Variants in NECTIN4 observed in about 807,000 individuals in gnomAD.
NECTIN4 encodes nectin cell adhesion molecule 4, also known as nectin-4.
A neutral mutation model predicts 51.7 loss-of-function variants in NECTIN4; 19 were observed. The ratio of observed to expected loss-of-function variants is 0.37; its 90% CI spans 0.26 to 0.54. The LOEUF (loss-of-function observed/expected upper bound fraction) is 0.54. NECTIN4 is among the 20% of genes least tolerant of loss of function. The pLI, the probability that NECTIN4 is intolerant of heterozygous loss-of-function variation, is 0.86. For synonymous variants in NECTIN4, 283 were observed against 286.9 expected (o/e 0.99, Z 0.14); for missense variants, 619 against 662.4 (o/e 0.93, Z 0.72).
In NECTIN4 at chr1:161,089,514, A is replaced by G. The variant is rs1477934885; in HGVS notation, c.-218T>C. On this transcript the variant is annotated 5_prime_UTR_variant, in exon 1 of 9. Transcript: ENST00000368012. The surrounding 1 kb of genome is among the most constrained non-coding windows in gnomAD (Gnocchi z 4.1). ...CAAGAAGCCGTGATCGGGAGCTCCGAGCTCCCCCAGAGCTGCTTCCCACGC... is the reference window on the plus strand; with the variant it reads ...CAAGAAGCCGTGATCGGGAGCTCCGGGCTCCCCCAGAGCTGCTTCCCACGC... The G allele has an allele frequency of 1.7e-6, 1 of 590,206 alleles. No homozygotes were observed. Among genetic ancestry groups the G allele is most frequent in the Non-Finnish European group, 3.0e-6 (1 of 329,268 alleles). The allele number at this position is 590,206 out of a possible 1,614,324, so 36.6% of individuals were successfully genotyped here. A position where few individuals can be genotyped will look rare whatever the true frequency, so the allele number is the denominator to read the frequency against.
chr1:161,073,762 G>A lies in NECTIN4; in HGVS notation c.1191C>T (p.Ser397=), dbSNP rs1447850695. Residue 397 remains serine (S), a synonymous_variant, in exon 7 of 9, where the codon TCC becomes TCT. Coordinates refer to ENST00000368012, the MANE Select transcript of NECTIN4 (RefSeq NM_030916.3). The stretch of plus-strand genomic sequence containing the variant: ...TGTGATGGGAATGCAGCCTCCGGAT[G>A]GAGTTCTCCCTGGTCAGGGTCAGCT... ...EEELTLTREN[S]IRRLHSHHTD... 3 of 1,614,206 alleles carry A rather than the reference G, an allele frequency of 1.9e-6. No individual in the cohort carries two copies. Among genetic ancestry groups the A allele is most frequent in the Middle Eastern group, 1.6e-4 (1 of 6,062 alleles).
intron 7 of NECTIN4, 43 bp from the exon 8 acceptor site, chr1:161,073,342 T>A: frequency 6.4e-7 from 1 of 1,551,482 alleles, no homozygotes; most frequent in Admixed American, 1.7e-5. Context: ...GGGCTCAGCC[T>A]CCTCCCCTCA....
chr1:161,089,206 G>T lies in NECTIN4; in HGVS notation c.79+12C>A. On this transcript the variant is annotated intron_variant, in intron 1 of 8. Coordinates refer to ENST00000368012, the MANE Select transcript of NECTIN4 (RefSeq NM_030916.3). This position sits in a 1 kb window ranked among gnomAD's most constrained non-coding sequence, Gnocchi z 4.1. ...CAGAAGCAAGTGTCCTGATGGTTCA[G>T]GCAAGTCCTACCTGTAAATGATGCC... 1.2e-6 allele frequency: 2 copies of T among 1,613,124 alleles called. No individual in the cohort carries two copies. The highest frequency in any genetic ancestry group is 8.5e-7 in the Non-Finnish European group (1 of 1,179,886).
intron 1 of NECTIN4, chr1:161,087,587 T>A (rs2101682603): frequency 6.6e-6 from 1 of 151,580 alleles, no homozygotes; most frequent in Non-Finnish European, 1.5e-5. Context: ...TAACCCTGGT[T>A]ATGCTTCTAA....
In NECTIN4 at chr1:161,077,588, A is replaced by G. The variant is rs1653475448; in HGVS notation, c.595T>C (p.Ser199Pro). ...TCTGAGGTGACGGCAGCAGAGCGGGAGTGCTTGAAGGAACGGCTGGACGTT... is the reference window on the plus strand; with the variant it reads ...TCTGAGGTGACGGCAGCAGAGCGGGGGTGCTTGAAGGAACGGCTGGACGTT... Reference protein sequence around the residue: ...GTTSSRSFKHSRSAAVTSEFH... With the variant: ...GTTSSRSFKHPRSAAVTSEFH... Residue 199 changes from serine to proline, a missense_variant, in exon 3 of 9, where the codon TCC becomes CCC. Physicochemically the swap from Ser to Pro is moderately conservative, Grantham distance 74. Around this residue, in one of 3 missense-constraint regions of NECTIN4, gnomAD observed 364 missense variants for 415.7 expected, o/e 0.88. Transcript: ENST00000368012. 2.5e-6 allele frequency: 4 copies of G among 1,613,898 alleles called. No homozygotes were observed. Among genetic ancestry groups the G allele is most frequent in the Non-Finnish European group, 2.5e-6 (3 of 1,180,020 alleles).
At chr1:161,075,829 G>A (rs575732210) in intron 4 of NECTIN4, among the ~76,000 whole-genome samples, 1 of 152,138 alleles carries the variant, frequency 6.6e-6, no homozygotes, top group East Asian at 1.9e-4. Context: ...TGTAATCACA[G>A]TACTTTGGAA....
In NECTIN4 at chr1:161,089,242, G is replaced by T; in HGVS notation, c.55C>A (p.Leu19Met). The change falls in exon 1 of 9, where the codon CTG becomes ATG. Residue 19 changes from leucine to methionine, a missense_variant. Coordinates refer to ENST00000368012, the MANE Select transcript of NECTIN4 (RefSeq NM_030916.3). This position sits in a 1 kb window ranked among gnomAD's most constrained non-coding sequence, Gnocchi z 4.1. The part of the protein sequence containing the change: ...MWGPEAWLLL[L>M]LLLASFTGRC... ...CCTGTAAATGATGCCAGCAGTAGCA[G>T]CAGCAGCAGCCAGGCCTCAGGCCCC... 6.2e-7 allele frequency: 1 copy of T among 1,612,682 alleles called. No homozygotes were observed. Among genetic ancestry groups the T allele is most frequent in the African/African-American group, 1.3e-5 (1 of 75,018 alleles).
rs1264667496 is a variant in NECTIN4, at chr1:161,073,227, T to C, written c.1306A>G (p.Met436Val). 5.6e-6 allele frequency: 9 copies of C among 1,613,760 alleles called. No homozygotes were observed. In the Admixed American group the frequency reaches 1.2e-4, roughly 21 times the overall value. ...SLKDNSSCSV[M>V]SEEPEGRSYS... Reference sequence around the variant, plus strand: ...ACCGGTGGGGCCGGGGGCCTCACCATCACAGAGCAGCTACTGTTGTCCTTG... The same window carrying C: ...ACCGGTGGGGCCGGGGGCCTCACCACCACAGAGCAGCTACTGTTGTCCTTG... Residue 436 changes from methionine to valine, a missense_variant and splice_region_variant, in exon 8 of 9, where the codon ATG becomes GTG. Coordinates refer to ENST00000368012, the MANE Select transcript of NECTIN4 (RefSeq NM_030916.3).
rs570873856 is a variant in NECTIN4, at chr1:161,075,946, C to T, written c.851+409G>A. Among the ~76,000 whole-genome samples the T allele has an allele frequency of 1.1e-4, 17 of 151,950 alleles. No individual in the cohort carries two copies. The East Asian group carries it at 1.7e-3, about 16-fold the overall frequency. On this transcript the variant is annotated intron_variant, in intron 4 of 8. Coordinates refer to ENST00000368012, the MANE Select transcript of NECTIN4 (RefSeq NM_030916.3). ...CAAAAATTAGCTGGGGTTGGTGGCG[C>T]GCACCTGTAATCCCAGCTACTCAGG...
Position 161,073,307 on chromosome 1 carries a change from G to A in NECTIN4, c.1234-8C>T, listed in dbSNP as rs556308203. On this transcript the variant is annotated splice_polypyrimidine_tract_variant and splice_region_variant and intron_variant, in intron 7 of 8. Transcript: ENST00000368012. The stretch of plus-strand genomic sequence containing the variant: ...CCCTACACTCTCCTCCGGCTGCAGG[G>A]CCCAGACACGGGGCAGTTAGAACAG... 1 of 1,613,504 alleles carries A rather than the reference G, an allele frequency of 6.2e-7. No homozygotes were observed. Among genetic ancestry groups the A allele is most frequent in the East Asian group, 2.2e-5 (1 of 44,876 alleles).
rs370563620 is a variant in NECTIN4, at chr1:161,089,415, T to G, written c.-119A>C. On this transcript the variant is annotated 5_prime_UTR_variant, in exon 1 of 9. Transcript: ENST00000368012. The surrounding 1 kb of genome is among the most constrained non-coding windows in gnomAD (Gnocchi z 4.1). ...CAGGAAGCTGCAGAGTTCTTGCCTC[T>G]CGCACTTGGGTCTCCACTAGGGGAC... 2.6e-5 allele frequency: 25 copies of G among 944,744 alleles called. No individual in the cohort carries two copies. The East Asian group carries it at 5.4e-4, about 20-fold the overall frequency. The allele number at this position is 944,744 out of a possible 1,614,324, so 58.5% of individuals were successfully genotyped here. A position where few individuals can be genotyped will look rare whatever the true frequency, so the allele number is the denominator to read the frequency against.
chr1:161,073,879 A>C, intron 6 of NECTIN4, 84 bp from the exon 7 acceptor site: 1 of 1,268,462 alleles, frequency 7.9e-7, no homozygotes, highest in African/African-American at 1.5e-5. Flanking sequence ...CTAGTGAGAC[A>C]GGCCCGGAGG....
At chr1:161,078,895 C>G (rs941947983) in intron 2 of NECTIN4, among the ~76,000 whole-genome samples, 2 of 151,880 alleles carry the variant, frequency 1.3e-5, no homozygotes, top group East Asian at 3.9e-4. Context: ...GCCTGTAGAC[C>G]CAGCTACTCG....
In NECTIN4 at chr1:161,073,094, C is replaced by T. The variant is rs535044998; in HGVS notation, c.1308+131G>A. The T allele has an allele frequency of 3.0e-4, 206 of 691,528 alleles. 2 individuals are homozygous for T. The highest frequency in any genetic ancestry group is 2.8e-3 in the South Asian group (163 of 58,724). 42.8% of individuals were successfully genotyped at this position (691,528 alleles called of 1,614,324 possible). ...GGAGAACAAAGACGTAGCAGAGATG[C>T]GGTGCTGGGCTGCATGAGCCAGGGC... On this transcript the variant is annotated intron_variant, in intron 8 of 8. Coordinates refer to ENST00000368012, the MANE Select transcript of NECTIN4 (RefSeq NM_030916.3).
chr1:161,078,985 C>A (rs1158956861), intron 2 of NECTIN4, among the ~76,000 whole-genome samples: 2 of 152,136 alleles, frequency 1.3e-5, no homozygotes, highest in East Asian at 1.9e-4. Context: ...GCACTCCAGC[C>A]TGGGCGACAG....
rs1332178839 is a variant in NECTIN4 at position 161,072,612 on chromosome 1, C to T, written c.*49G>A. On this transcript the variant is annotated 3_prime_UTR_variant, in exon 9 of 9. Coordinates refer to ENST00000368012, the MANE Select transcript of NECTIN4 (RefSeq NM_030916.3). ...AGGCCCCCAAGATGAGCTAAAATCT[C>T]CCATGTCAACAGAAGGAGCCAGGCC... 6.6e-7 allele frequency: 1 copy of T among 1,515,350 alleles called. No homozygotes were observed. Among genetic ancestry groups the T allele is most frequent in the Admixed American group, 1.7e-5 (1 of 59,912 alleles). The allele number at this position is 1,515,350 out of a possible 1,614,324, so 93.9% of individuals were successfully genotyped here. A position where few individuals can be genotyped will look rare whatever the true frequency, so the allele number is the denominator to read the frequency against.
At chr1:161,086,737 C>A (rs1653965756) in intron 1 of NECTIN4, among the ~76,000 whole-genome samples, 1 of 152,180 alleles carries the variant, frequency 6.6e-6, no homozygotes, top group South Asian at 2.1e-4. Flanking sequence ...AGCCTGGGCT[C>A]CTTTCCCTGT....
intron 2 of NECTIN4, 120 bp downstream of exon 2, chr1:161,079,470 T>G: frequency 7.3e-7 from 1 of 1,377,068 alleles, no homozygotes; most frequent in South Asian, 1.3e-5. Context: ...CTCCCTCACC[T>G]GAACATGACC....
chr1:161,076,948 T>C (rs1307245843), intron 3 of NECTIN4, among the ~76,000 whole-genome samples: 1 of 152,168 alleles, frequency 6.6e-6, no homozygotes, highest in Admixed American at 6.5e-5. Context: ...GAAAACAATA[T>C]CTACCATTTA....
Sources: allele counts gnomAD v4.1 joint callset (sites outside exome capture counted in the v4.1 genomes callset), GRCh38; gene constraint gnomAD v4.1.1; regional missense constraint gnomAD v4.1.1; non-coding constraint Gnocchi (gnomAD v3.1); transcripts MANE v1.5; gene names NCBI Gene and HGNC (gene_info 2026-07-23, HGNC 2026-07-21).